The following WDHD1 variants were observed in gnomAD, a reference collection of about 807,000 sequenced individuals.
The protein encoded by WDHD1 is WD repeat and HMG-box DNA-binding protein 1.
A neutral mutation model predicts 135.4 loss-of-function variants in WDHD1; 111 were observed. That is an observed-to-expected ratio of 0.82 (90% CI 0.70 to 0.96). The LOEUF (loss-of-function observed/expected upper bound fraction) is 0.96, where lower values mean the gene tolerates loss of function less well. WDHD1 is among the 40% of genes least tolerant of loss of function. The pLI, the probability that WDHD1 is intolerant of heterozygous loss-of-function variation, is 0.00. For missense variants in WDHD1, 1,351 were observed against 1,336.3 expected, an observed-to-expected ratio of 1.01 and a Z score of -0.17; for synonymous variants, 434 against 439.0, an observed-to-expected ratio of 0.99 and a Z score of 0.14.
chr14:54,991,160 AG>A (rs2041779060), intron 12 of WDHD1, 52 bp downstream of exon 12: 2 of 999,604 alleles, frequency 2.0e-6, no homozygotes, highest in African/African-American at 3.2e-5. Context: ...AACTATAGTA[AG>A]AAAAAAGTGC....
rs759853959 is a variant in WDHD1, at chr14:55,026,708, T to G, written c.77+3A>C. On this transcript the variant is annotated splice_donor_region_variant and intron_variant, in intron 2 of 25. Coordinates refer to ENST00000360586, the MANE Select transcript of WDHD1 (RefSeq NM_007086.4). ...TAAAACGTTGTTTCTCAAAGAACCTTACCTCCCAGAATCATCAAAACAGAC... is the reference window on the plus strand; with the variant it reads ...TAAAACGTTGTTTCTCAAAGAACCTGACCTCCCAGAATCATCAAAACAGAC... 2 of 1,614,192 alleles carry G rather than the reference T, an allele frequency of 1.2e-6. No individual in the cohort carries two copies. Among genetic ancestry groups the G allele is most frequent in the Non-Finnish European group, 1.7e-6 (2 of 1,180,000 alleles).
intron 2 of WDHD1, among the ~76,000 whole-genome samples, chr14:55,017,835 A>G (rs2042285877): frequency 6.6e-6 from 1 of 151,422 alleles, no homozygotes; most frequent in African/African-American, 2.4e-5. Context: ...TGAAAAAAAC[A>G]TGTTTTGTTT....
rs916477564 is a variant in WDHD1 at position 54,981,617 on chromosome 14, A to G, written c.1986T>C (p.Cys662=). ...TTCCTTTGCAGTGCTCTCTTGTATTACATATAGGAGTCCACGTATTACCAA... is the reference window on the plus strand; with the variant it reads ...TTCCTTTGCAGTGCTCTCTTGTATTGCATATAGGAGTCCACGTATTACCAA... ...RGLGNTWTPI[C]NTREHCKGKS... is the part of the protein sequence containing the mutation. The change falls in exon 16 of 26, where the codon TGT becomes TGC. Residue 662 remains cysteine, a synonymous_variant. Coordinates refer to ENST00000360586, the MANE Select transcript of WDHD1 (RefSeq NM_007086.4). The G allele has an allele frequency of 1.2e-6, 2 of 1,612,840 alleles. No individual in the cohort carries two copies. The highest frequency in any genetic ancestry group is 1.7e-5 in the Admixed American group (1 of 59,964).
At position 55,000,994 on chromosome 14, in the gene WDHD1, T is replaced by C. The variant is rs199851207; in HGVS notation, c.694-2A>G. The C allele has an allele frequency of 6.6e-7, 1 of 1,517,508 alleles. No individual in the cohort carries two copies. 94.0% of individuals were successfully genotyped at this position (1,517,508 alleles called of 1,614,324 possible). ...AGACCAGGTTACTATATTGAGGGTC[T>C]GTAAAGAAAAACAGTTAATAAATAA... On this transcript the variant is annotated splice_acceptor_variant, in intron 8 of 25. Coordinates refer to ENST00000360586, the MANE Select transcript of WDHD1 (RefSeq NM_007086.4). LOFTEE classifies it high-confidence loss of function.
intron 16 of WDHD1, among the ~76,000 whole-genome samples, chr14:54,977,867 C>G (rs995526600): frequency 6.8e-6 from 1 of 146,382 alleles, no homozygotes; most frequent in Non-Finnish European, 1.5e-5. Context: ...CTTTACAAAT[C>G]TTAAATAAAA....
chr14:55,026,898 G>A, intron 1 of WDHD1, 95 bp from the exon 2 acceptor site: 3 of 1,184,636 alleles, frequency 2.5e-6, no homozygotes, highest in Middle Eastern at 2.0e-4. Flanking sequence ...TCTAGGGCCC[G>A]TTCTCCGCAG....
In WDHD1 at chr14:54,966,464, A is replaced by C; in HGVS notation, c.2310+11T>G. On this transcript the variant is annotated intron_variant, in intron 18 of 25. Coordinates refer to ENST00000360586, the MANE Select transcript of WDHD1 (RefSeq NM_007086.4). ...TAACTTTAACGTTTTCAGTATATTTATTTTACTCACCGCAAGCATTTTCAT... is the reference window on the plus strand; with the variant it reads ...TAACTTTAACGTTTTCAGTATATTTCTTTTACTCACCGCAAGCATTTTCAT... 6.3e-7 allele frequency: 1 copy of C among 1,590,810 alleles called. No individual in the cohort carries two copies. Among genetic ancestry groups the C allele is most frequent in the Non-Finnish European group, 8.5e-7 (1 of 1,174,598 alleles).
At position 54,966,420 on chromosome 14, in the gene WDHD1, C is replaced by T. The variant is rs2041345712; in HGVS notation, c.2310+55G>A. ...CTAATGCACAGACCTTTAAGAAATT[C>T]AACCTATAGAAAAGCATTTAACTTT... On this transcript the variant is annotated intron_variant, in intron 18 of 25. Transcript: ENST00000360586. 7.1e-6 allele frequency: 11 copies of T among 1,544,446 alleles called. No homozygotes were observed. In the South Asian group the frequency reaches 1.4e-4, roughly 20 times the overall value.
intron 6 of WDHD1, 60 bp from the exon 7 acceptor site, chr14:55,007,435 A>G: frequency 8.4e-7 from 1 of 1,194,490 alleles, no homozygotes; most frequent in Non-Finnish European, 1.2e-6. Flanking sequence ...AAATATATGC[A>G]GAACTGAATA....
intron 7 of WDHD1, among the ~76,000 whole-genome samples, chr14:55,004,379 A>C (rs2042028800): frequency 6.6e-6 from 1 of 152,198 alleles, no homozygotes; most frequent in Non-Finnish European, 1.5e-5. Context: ...ATCTAACTGA[A>C]TTATTTGCAT....
chr14:54,944,563 A>G, intron 24 of WDHD1, 93 bp from the exon 25 acceptor site: 3 of 1,229,662 alleles, frequency 2.4e-6, no homozygotes, highest in Non-Finnish European at 3.3e-6. Flanking sequence ...TAAGTCTCTG[A>G]CATCTATTAT....
intron 25 of WDHD1, 67 bp downstream of exon 25, chr14:54,944,265 A>T (rs973024768): frequency 8.2e-6 from 13 of 1,587,234 alleles, no homozygotes; most frequent in Non-Finnish European, 7.7e-6. Context: ...GCCAAAAGGC[A>T]TTTCTATAAG....
intron 10 of WDHD1, among the ~76,000 whole-genome samples, chr14:54,999,793 G>A (rs1206773336): frequency 6.6e-6 from 1 of 152,016 alleles, no homozygotes; most frequent in Non-Finnish European, 1.5e-5. Context: ...TTTTTGTAGA[G>A]ATGGGGTCCC....
At chr14:54,999,445 T>C (rs1031915138) in intron 10 of WDHD1, among the ~76,000 whole-genome samples, 1 of 152,228 alleles carries the variant, frequency 6.6e-6, no homozygotes, top group Non-Finnish European at 1.5e-5. Flanking sequence ...GCCCCACTTC[T>C]AGAAGCACCT....
At chr14:55,020,474 C>T (rs1252230218) in intron 2 of WDHD1, among the ~76,000 whole-genome samples, 3 of 152,226 alleles carry the variant, frequency 2.0e-5, no homozygotes, top group Non-Finnish European at 4.4e-5. Flanking sequence ...CTTTCTTAGT[C>T]TCCTTAGCTG....
At chr14:54,971,056 C>G (rs1021633780) in intron 16 of WDHD1, among the ~76,000 whole-genome samples, 5 of 152,126 alleles carry the variant, frequency 3.3e-5, no homozygotes, top group African/African-American at 1.2e-4. Context: ...GAAACTGGAC[C>G]CTTAACTATC....
chr14:54,941,753 G>A, intron 25 of WDHD1, 63 bp from the exon 26 acceptor site: 3 of 1,366,666 alleles, frequency 2.2e-6, no homozygotes, highest in Non-Finnish European at 3.0e-6. Context: ...AGAAGTAAAT[G>A]ATTTATTTAC....
At chr14:55,013,911 A>G (rs1299278618) in intron 2 of WDHD1, among the ~76,000 whole-genome samples, 2 of 149,740 alleles carry the variant, frequency 1.3e-5, no homozygotes, top group South Asian at 2.1e-4. Context: ...TATCTCAAGG[A>G]AAAAAAAAAG....
At chr14:54,953,839 G>C (rs2041104911) in intron 24 of WDHD1, among the ~76,000 whole-genome samples, 1 of 152,066 alleles carries the variant, frequency 6.6e-6, no homozygotes, top group African/African-American at 2.4e-5. Context: ...GGATGAAACT[G>C]GGAACCATCA....
Sources: allele counts gnomAD v4.1 joint callset (sites outside exome capture counted in the v4.1 genomes callset), GRCh38; gene constraint gnomAD v4.1.1; transcripts MANE v1.5; gene names NCBI Gene and HGNC (gene_info 2026-07-23, HGNC 2026-07-21).